SAMD12: variants seen among roughly 807,000 people sequenced by gnomAD.
SAMD12 encodes sterile alpha motif domain-containing protein 12.
A neutral mutation model predicts 15.0 loss-of-function variants in SAMD12; 9 were observed. That is an observed-to-expected ratio of 0.60 (90% CI 0.36 to 1.05). SAMD12 has a LOEUF of 1.05. Among genes scored for constraint, SAMD12 ranks in the 50% least tolerant of loss-of-function variants. The pLI is 0.01. For missense variants in SAMD12, 230 were observed against 234.2 expected (o/e 0.98, Z 0.12); for synonymous variants, 86 against 90.1 (o/e 0.96, Z 0.25).
At chr8:118,229,239 A>G (rs1369015518) in intron 4 of SAMD12, among the ~76,000 whole-genome samples, 4 of 152,128 alleles carry the variant, frequency 2.6e-5, no homozygotes, top group African/African-American at 4.8e-5. Context: ...CAAATAACTT[A>G]CTCATGTAAC....
the SAMD12 span, among the ~76,000 whole-genome samples, chr8:118,157,974 G>T: frequency 6.6e-6 from 1 of 152,262 alleles, no homozygotes; most frequent in South Asian, 2.1e-4. Flanking sequence ...CAGTTTCCAG[G>T]ACTTGGAGCA....
At chr8:118,419,320 T>A (rs147250103) in intron 3 of SAMD12, among the ~76,000 whole-genome samples, 2 of 152,328 alleles carry the variant, frequency 1.3e-5, no homozygotes, top group East Asian at 3.9e-4. Flanking sequence ...TCTAGATTCC[T>A]CATTTGAAAA....
intron 4 of SAMD12, among the ~76,000 whole-genome samples, chr8:118,254,384 T>A (rs1347899939): frequency 6.6e-6 from 1 of 152,132 alleles, no homozygotes; most frequent in African/African-American, 2.4e-5. Context: ...GCAGCCTCCT[T>A]GCTGGAAACG....
chr8:118,268,479 C>T (rs1041194378), intron 4 of SAMD12, among the ~76,000 whole-genome samples: 6 of 152,108 alleles, frequency 3.9e-5, no homozygotes, highest in African/African-American at 7.2e-5. Context: ...CCAACTCAGC[C>T]CCAAACTCTA....
chr8:118,500,013 C>G lies in SAMD12; in HGVS notation c.193-60052G>C, dbSNP rs908888664. On this transcript the variant is annotated intron_variant, in intron 2 of 3. Transcript: ENST00000314727. ...TAGACAGTGATCTGTACGGTCCCCCCACATACATGAAGATGTTGATCTGCT... is the reference window on the plus strand; with the variant it reads ...TAGACAGTGATCTGTACGGTCCCCCGACATACATGAAGATGTTGATCTGCT... Among the ~76,000 whole-genome samples, 9 of 148,654 alleles carry G rather than the reference C, an allele frequency of 6.1e-5. No individual in the cohort carries two copies. The South Asian group carries it at 1.8e-3, about 29-fold the overall frequency.
chr8:118,141,889 T>C, the SAMD12 span, among the ~76,000 whole-genome samples: 1 of 152,226 alleles, frequency 6.6e-6, no homozygotes, highest in Non-Finnish European at 1.5e-5. Flanking sequence ...CCCACCTTAG[T>C]CCTGGCCATC....
At chr8:118,337,252 G>A (rs568108637) in intron 4 of SAMD12, among the ~76,000 whole-genome samples, 11 of 152,184 alleles carry the variant, frequency 7.2e-5, no homozygotes, top group African/African-American at 2.2e-4. Context: ...CAAACAAAGC[G>A]GGTCCTAGTA....
At chr8:118,314,498 T>C (rs967556782) in intron 4 of SAMD12, among the ~76,000 whole-genome samples, 8 of 152,170 alleles carry the variant, frequency 5.3e-5, no homozygotes, top group East Asian at 1.9e-4. Context: ...AGCTGTTCCA[T>C]TACCTACAGG....
intron 4 of SAMD12, among the ~76,000 whole-genome samples, chr8:118,329,794 TG>T (rs1276646691): frequency 6.6e-6 from 1 of 152,210 alleles, no homozygotes; most frequent in Admixed American, 6.5e-5. Context: ...TATATTCCAT[TG>T]CACAGATATA....
At chr8:118,439,111 A>T (rs985454654) in intron 3 of SAMD12, among the ~76,000 whole-genome samples, 1 of 152,170 alleles carries the variant, frequency 6.6e-6, no homozygotes. Context: ...CTTGATCTGA[A>T]GCCCCTTTAT....
chr8:118,558,212 T>C lies in SAMD12; in HGVS notation c.192+22503A>G, dbSNP rs16891197. Among the ~76,000 whole-genome samples, 569 of 152,326 alleles carry C rather than the reference T, an allele frequency of 3.7e-3. 3 individuals carry two copies. Among genetic ancestry groups the C allele is most frequent in the African/African-American group, 0.012 (489 of 41,584 alleles). On this transcript the variant is annotated intron_variant, in intron 2 of 3. Transcript: ENST00000314727. The stretch of plus-strand genomic sequence containing the variant: ...GCCTTGTATGCACAAGAAGAATGTA[T>C]ATTTTTTAGTTGTTAGTTCAGGGTT...
At chr8:118,614,686 C>T (rs941117539) in intron 1 of SAMD12, among the ~76,000 whole-genome samples, 2 of 152,204 alleles carry the variant, frequency 1.3e-5, no homozygotes, top group Non-Finnish European at 2.9e-5. Flanking sequence ...AGCAAAGGAA[C>T]AAAACTTGCC....
At chr8:118,574,679 T>C (rs1234087484) in intron 2 of SAMD12, among the ~76,000 whole-genome samples, 3 of 152,210 alleles carry the variant, frequency 2.0e-5, no homozygotes, top group African/African-American at 7.2e-5. Flanking sequence ...TTGAGCCCTG[T>C]CCAAGAACTC....
chr8:118,530,139 T>C (rs1297867786), intron 2 of SAMD12, among the ~76,000 whole-genome samples: 1 of 152,212 alleles, frequency 6.6e-6, no homozygotes, highest in African/African-American at 2.4e-5. Flanking sequence ...GTGATGAGCA[T>C]TTTTTCGTAT....
chr8:118,237,828 C>T (rs1049269341), intron 4 of SAMD12, among the ~76,000 whole-genome samples: 5 of 152,126 alleles, frequency 3.3e-5, no homozygotes, highest in African/African-American at 1.2e-4. Context: ...CTGTTTTCTG[C>T]TGTTGCCTCT....
intron 2 of SAMD12, among the ~76,000 whole-genome samples, chr8:118,526,542 C>G (rs554589538): frequency 2.0e-5 from 3 of 151,946 alleles, no homozygotes; most frequent in Non-Finnish European, 4.4e-5. Flanking sequence ...AAGCAGGAAA[C>G]AGCATATCAA....
chr8:118,146,824 G>A, the SAMD12 span, among the ~76,000 whole-genome samples: 323 of 152,260 alleles, frequency 2.1e-3, 2 homozygotes, highest in African/African-American at 7.4e-3. Context: ...CTAACTTAGA[G>A]GGAAGGATTT....
chr8:118,394,664 C>CA (rs1820459227), intron 3 of SAMD12: 1 of 152,102 alleles, frequency 6.6e-6, no homozygotes, highest in African/African-American at 2.4e-5. Context: ...CTGACTTTGC[C>CA]AAAAGACTTA....
intron 3 of SAMD12, among the ~76,000 whole-genome samples, chr8:118,437,719 G>A (rs752985794): frequency 4.6e-5 from 7 of 152,044 alleles, no homozygotes; most frequent in Non-Finnish European, 7.4e-5. Context: ...AAAAGCATAC[G>A]ACAACTTTTT....
Sources: gnomAD v4.1 joint callset for allele counts (sites outside exome capture counted in the v4.1 genomes callset) on GRCh38, gnomAD v4.1.1 for gene constraint, MANE v1.5 for transcripts, NCBI Gene and HGNC (gene_info 2026-07-23, HGNC 2026-07-21) for gene names.